The following LHFPL4 variants were observed in gnomAD, a reference collection of about 807,000 sequenced individuals.
The protein encoded by LHFPL4 is LHFPL tetraspan subfamily member 4 protein.
LHFPL4 carries 6 observed loss-of-function variants against 20.0 expected under a neutral mutation model. The observed-to-expected ratio is 0.30, with a 90% CI of 0.16 to 0.59. The LOEUF (loss-of-function observed/expected upper bound fraction) is 0.59. Ranked by LOEUF, LHFPL4 falls within the 20% of genes least tolerant of loss-of-function variation. LHFPL4 has a pLI of 0.88. For missense variants in LHFPL4, 215 were observed against 331.2 expected (o/e 0.65, Z 2.72); for synonymous variants, 129 against 143.8 (o/e 0.90, Z 0.74).
At chr3:9,534,549 A>G (rs1204516336) in intron 2 of LHFPL4, among the ~76,000 whole-genome samples, 2 of 152,214 alleles carry the variant, frequency 1.3e-5, no homozygotes, top group African/African-American at 2.4e-5. Context: ...TAAGACACTG[A>G]CAACCTTGGC....
At chr3:9,530,613 C>T (rs181014218) in intron 2 of LHFPL4, among the ~76,000 whole-genome samples, 33 of 152,240 alleles carry the variant, frequency 2.2e-4, no homozygotes, top group African/African-American at 5.3e-4. Context: ...ATGTGCTCAC[C>T]GGAGCAGCAC....
intron 3 of LHFPL4, 68 bp from the exon 4 acceptor site, chr3:9,502,379 G>A (rs2046183320): frequency 8.3e-7 from 1 of 1,208,478 alleles, no homozygotes; most frequent in Non-Finnish European, 1.2e-6. Context: ...TGGGCATTCA[G>A]GCTTTCCTTG....
chr3:9,501,938 A>T lies in LHFPL4; in HGVS notation c.*273T>A, dbSNP rs908602570. The T allele has an allele frequency of 6.4e-6, 3 of 467,534 alleles. No individual in the cohort carries two copies. The highest frequency in any genetic ancestry group is 1.2e-5 in the Non-Finnish European group (3 of 256,254). 29.0% of individuals were successfully genotyped at this position (467,534 alleles called of 1,614,324 possible). Reference sequence around the variant, plus strand: ...ACCTCCAGGCCAGTCTAGAGAGGAGAGGAGAAGCCCAAGGGCCTACGCAGA... The same window carrying T: ...ACCTCCAGGCCAGTCTAGAGAGGAGTGGAGAAGCCCAAGGGCCTACGCAGA... On this transcript the variant is annotated 3_prime_UTR_variant, in exon 4 of 4. Transcript: ENST00000287585.
At chr3:9,516,445 C>G (rs1489733440) in intron 2 of LHFPL4, among the ~76,000 whole-genome samples, 1 of 151,916 alleles carries the variant, frequency 6.6e-6, no homozygotes, top group Non-Finnish European at 1.5e-5. Flanking sequence ...AATCAATTTG[C>G]CCGTTCTTTC....
intron 2 of LHFPL4, among the ~76,000 whole-genome samples, chr3:9,539,449 C>G (rs568567661): frequency 2.6e-5 from 3 of 114,416 alleles, no homozygotes; most frequent in African/African-American, 1.1e-4. Flanking sequence ...AGTGAAACTT[C>G]GTCTCAAAAA....
At chr3:9,519,783 G>A (rs962768798) in intron 2 of LHFPL4, among the ~76,000 whole-genome samples, 1 of 152,034 alleles carries the variant, frequency 6.6e-6, no homozygotes, top group African/African-American at 2.4e-5. Context: ...CAATTCCTGA[G>A]CTCAAGGAAT....
intron 2 of LHFPL4, among the ~76,000 whole-genome samples, chr3:9,516,095 C>CT (rs1327414377): frequency 1.3e-5 from 2 of 152,158 alleles, no homozygotes; most frequent in African/African-American, 4.8e-5. Flanking sequence ...GACAGCAGAA[C>CT]TTTTTAACTT....
intron 2 of LHFPL4, among the ~76,000 whole-genome samples, chr3:9,546,688 G>C (rs951866988): frequency 1.3e-5 from 2 of 152,204 alleles, no homozygotes; most frequent in Non-Finnish European, 2.9e-5. Flanking sequence ...CCAGCTGACA[G>C]TTTATGCCTT....
At chr3:9,549,689 C>T (rs1195126727) in intron 2 of LHFPL4, among the ~76,000 whole-genome samples, 6 of 152,044 alleles carry the variant, frequency 3.9e-5, no homozygotes, top group Admixed American at 3.3e-4. Flanking sequence ...AAGAGTGAAA[C>T]TCCGTCTCAA....
At chr3:9,548,785 C>T (rs1187848266) in intron 2 of LHFPL4, among the ~76,000 whole-genome samples, 2 of 152,196 alleles carry the variant, frequency 1.3e-5, no homozygotes, top group Non-Finnish European at 2.9e-5. Flanking sequence ...GGGCCTTAGA[C>T]AGAGTCACCA....
At chr3:9,531,284 C>T (rs1025270167) in intron 2 of LHFPL4, among the ~76,000 whole-genome samples, 4 of 152,116 alleles carry the variant, frequency 2.6e-5, no homozygotes, top group African/African-American at 4.8e-5. Flanking sequence ...AAAATAGTTC[C>T]GACAGACTTG....
rs1472020161 is a variant in LHFPL4, at chr3:9,506,565, A to C, written c.407-362T>G. ...TCCCTCTCCCATCTCTCCCATCCTCATTATTATTATTATTGTTGTCGTTGT... is the reference window on the plus strand; with the variant it reads ...TCCCTCTCCCATCTCTCCCATCCTCCTTATTATTATTATTGTTGTCGTTGT... On this transcript the variant is annotated intron_variant, in intron 2 of 3. Transcript: ENST00000287585. This position sits in a 1 kb window ranked among gnomAD's most constrained non-coding sequence, Gnocchi z 4.5. Among the ~76,000 whole-genome samples, 1 of 150,710 alleles carries C rather than the reference A, an allele frequency of 6.6e-6. No individual in the cohort carries two copies. The highest frequency in any genetic ancestry group is 1.5e-5 in the Non-Finnish European group (1 of 67,930).
At chr3:9,553,585 CGGG>C (rs2046572335) in intron 1 of LHFPL4, 97 bp downstream of exon 1, 3 of 110,566 alleles carry the variant, frequency 2.7e-5, no homozygotes, top group Non-Finnish European at 5.5e-5. Context: ...GGGGAGCGGC[CGGG>C]CCCGAGTAGG....
At position 9,502,324 on chromosome 3, in the gene LHFPL4, G is replaced by C; in HGVS notation, c.644-13C>G. ...GAGCCCACAAAATCTAAGAGAGAGA[G>C]AGAGAGAGAGAAGGAGAGAGAATTA... On this transcript the variant is annotated splice_polypyrimidine_tract_variant and intron_variant, in intron 3 of 3. Coordinates refer to ENST00000287585, the MANE Select transcript of LHFPL4 (RefSeq NM_198560.3). The C allele has an allele frequency of 6.4e-7, 1 of 1,556,352 alleles. No homozygotes were observed. The highest frequency in any genetic ancestry group is 1.1e-5 in the South Asian group (1 of 89,876).
rs1369777631 is a variant in LHFPL4, at chr3:9,500,416, T to C, written c.*1795A>G. On this transcript the variant is annotated 3_prime_UTR_variant, in exon 4 of 4. Coordinates refer to ENST00000287585, the MANE Select transcript of LHFPL4 (RefSeq NM_198560.3). Reference sequence around the variant, plus strand: ...GGACCAGAGCACTGCGGGGAGGCTTTGCCCGGGAGGAGTAAGTGGAGGAGT... The same window carrying C: ...GGACCAGAGCACTGCGGGGAGGCTTCGCCCGGGAGGAGTAAGTGGAGGAGT... 1 of 152,414 alleles carries C rather than the reference T, an allele frequency of 6.6e-6. No homozygotes were observed. Among genetic ancestry groups the C allele is most frequent in the African/African-American group, 2.4e-5 (1 of 41,430 alleles). 9.4% of individuals were successfully genotyped at this position (152,414 alleles called of 1,614,324 possible). A position where few individuals can be genotyped will look rare whatever the true frequency, so the allele number is the denominator to read the frequency against.
intron 2 of LHFPL4, among the ~76,000 whole-genome samples, chr3:9,507,274 G>A (rs1049410616): frequency 6.6e-6 from 1 of 152,216 alleles, no homozygotes; most frequent in African/African-American, 2.4e-5. Flanking sequence ...TAGCTGCATG[G>A]AGCTTGCAAT....
intron 2 of LHFPL4, among the ~76,000 whole-genome samples, chr3:9,539,672 A>C (rs1434504139): frequency 6.6e-6 from 1 of 152,170 alleles, no homozygotes; most frequent in East Asian, 1.9e-4. Flanking sequence ...CCATAGACAA[A>C]GTCAAAAGAT....
chr3:9,552,554 G>A lies in LHFPL4; in HGVS notation c.126C>T (p.Ile42=). The A allele has an allele frequency of 1.2e-6, 2 of 1,614,028 alleles. No individual in the cohort carries two copies. The highest frequency in any genetic ancestry group is 1.7e-6 in the Non-Finnish European group (2 of 1,179,972). ...CGCTGTCGCCCACCCAGTAGGGCTG[G>A]ATGAAGACCACCACGTTGATGATGG... ...CFAIINVVVF[I]QPYWVGDSVS... The change falls in exon 2 of 4, where the codon ATC becomes ATT. Residue 42 remains isoleucine (I), a synonymous_variant. Coordinates refer to ENST00000287585, the MANE Select transcript of LHFPL4 (RefSeq NM_198560.3).
At chr3:9,513,299 A>ATTTAT (rs1219712161) in intron 2 of LHFPL4, among the ~76,000 whole-genome samples, 3 of 151,828 alleles carry the variant, frequency 2.0e-5, no homozygotes, top group Non-Finnish European at 2.9e-5. Context: ...ACCTTGGGTC[A>ATTTAT]TTTATTTTAT....
Sources: allele counts gnomAD v4.1 joint callset (sites outside exome capture counted in the v4.1 genomes callset), GRCh38; gene constraint gnomAD v4.1.1; non-coding constraint Gnocchi (gnomAD v3.1); transcripts MANE v1.5; gene names NCBI Gene and HGNC (gene_info 2026-07-23, HGNC 2026-07-21).